The following GRM8 variants were observed in gnomAD, a reference collection of about 807,000 sequenced individuals.
The protein encoded by GRM8 is metabotropic glutamate receptor 8.
In GRM8, 47 loss-of-function variants were observed where a neutral mutation model predicts 87.2. The ratio of observed to expected loss-of-function variants is 0.54; its 90% CI spans 0.43 to 0.69. GRM8 has a LOEUF of 0.69. GRM8 is among the 30% of genes least tolerant of loss of function. The pLI is 0.00. For missense variants in GRM8, 1,019 were observed against 1,139.2 expected, an observed-to-expected ratio of 0.89 and a Z score of 1.52; for synonymous variants, 396 against 404.5, an observed-to-expected ratio of 0.98 and a Z score of 0.25.
At chr7:126,781,236 T>C (rs982612067) in intron 6 of GRM8, among the ~76,000 whole-genome samples, 1 of 152,212 alleles carries the variant, frequency 6.6e-6, no homozygotes, top group Admixed American at 6.5e-5. Flanking sequence ...GGAATCCCAC[T>C]AGCCTGCACC....
At chr7:126,708,144 A>G (rs1810735191) in intron 7 of GRM8, among the ~76,000 whole-genome samples, 2 of 152,166 alleles carry the variant, frequency 1.3e-5, no homozygotes, top group Admixed American at 1.3e-4. Flanking sequence ...GTTCAACATC[A>G]CTAATCCTCA....
chr7:126,694,838 A>G (rs1287622113), intron 7 of GRM8, among the ~76,000 whole-genome samples: 1 of 152,184 alleles, frequency 6.6e-6, no homozygotes, highest in Non-Finnish European at 1.5e-5. Context: ...ATGTCCATGC[A>G]ATTCTTGTTC....
At chr7:127,182,428 T>C (rs889046680) in intron 2 of GRM8, among the ~76,000 whole-genome samples, 1 of 151,958 alleles carries the variant, frequency 6.6e-6, no homozygotes, top group Non-Finnish European at 1.5e-5. Context: ...CCATGGAAAA[T>C]AGTGTGGAGA....
At chr7:126,480,495 C>A (rs1444441778) in intron 9 of GRM8, among the ~76,000 whole-genome samples, 1 of 152,068 alleles carries the variant, frequency 6.6e-6, no homozygotes, top group Non-Finnish European at 1.5e-5. Flanking sequence ...AAATTTGTTT[C>A]TCACAGAGCT....
intron 9 of GRM8, among the ~76,000 whole-genome samples, chr7:126,496,133 A>G (rs1263378090): frequency 6.6e-6 from 1 of 151,906 alleles, no homozygotes; most frequent in Non-Finnish European, 1.5e-5. Flanking sequence ...TTAGAGTTTC[A>G]GAGAGATTTT....
At chr7:126,539,481 G>A (rs1000323462) in intron 8 of GRM8, among the ~76,000 whole-genome samples, 1 of 151,848 alleles carries the variant, frequency 6.6e-6, no homozygotes, top group African/African-American at 2.4e-5. Context: ...ACCCAGAATA[G>A]CCAAAATTTT....
chr7:126,967,085 A>G (rs1809949399), intron 3 of GRM8, among the ~76,000 whole-genome samples: 3 of 152,202 alleles, frequency 2.0e-5, no homozygotes, highest in Admixed American at 2.0e-4. Flanking sequence ...CCTAGGCCAT[A>G]ACATAACCTA....
intron 8 of GRM8, among the ~76,000 whole-genome samples, chr7:126,586,137 A>C (rs59800028): frequency 0.025 from 3,730 of 152,140 alleles, 145 homozygotes; most frequent in African/African-American, 0.085. Context: ...ATGTGAAGGA[A>C]CTCTTCAAGG....
intron 2 of GRM8, among the ~76,000 whole-genome samples, chr7:127,207,967 G>A (rs1452285018): frequency 6.6e-6 from 1 of 152,094 alleles, no homozygotes; most frequent in Non-Finnish European, 1.5e-5. Flanking sequence ...CCGGCCTCAA[G>A]ATAAGCACTA....
At chr7:126,603,187 C>A (rs1264613812) in intron 8 of GRM8, among the ~76,000 whole-genome samples, 2 of 146,224 alleles carry the variant, frequency 1.4e-5, no homozygotes, top group Non-Finnish European at 3.0e-5. Flanking sequence ...ATTCAACAAC[C>A]CTTCATGCTA....
At chr7:126,801,426 G>A (rs1013335735) in intron 6 of GRM8, among the ~76,000 whole-genome samples, 1 of 67,988 alleles carries the variant, frequency 1.5e-5, no homozygotes, top group African/African-American at 3.3e-5. Context: ...AAAGGTTGTT[G>A]TTGATATATT....
At chr7:126,561,163 A>C (rs1320950543) in intron 8 of GRM8, among the ~76,000 whole-genome samples, 1 of 152,160 alleles carries the variant, frequency 6.6e-6, no homozygotes, top group Non-Finnish European at 1.5e-5. Context: ...ACTTCCTCAG[A>C]AAAAACAGCT....
chr7:126,655,070 A>C (rs140570123), intron 7 of GRM8, among the ~76,000 whole-genome samples: 1 of 152,364 alleles, frequency 6.6e-6, no homozygotes, highest in African/African-American at 2.4e-5. Context: ...AAGAACATAC[A>C]TAAAATGGAT....
intron 6 of GRM8, among the ~76,000 whole-genome samples, chr7:126,887,330 T>A (rs1419761185): frequency 6.6e-6 from 1 of 152,118 alleles, no homozygotes; most frequent in Non-Finnish European, 1.5e-5. Context: ...ATATTTGCCA[T>A]GTTAAAGATA....
At chr7:126,819,800 T>G (rs189010360) in intron 6 of GRM8, among the ~76,000 whole-genome samples, 2 of 152,164 alleles carry the variant, frequency 1.3e-5, no homozygotes, top group Admixed American at 1.3e-4. Context: ...TATATCATGT[T>G]GGGGAATGGA....
chr7:127,060,569 A>G (rs1475753666), intron 3 of GRM8, among the ~76,000 whole-genome samples: 2 of 152,198 alleles, frequency 1.3e-5, no homozygotes, highest in Non-Finnish European at 2.9e-5. Context: ...TACAGAAAAT[A>G]TAGGCAGAAT....
chr7:127,002,093 A>G (rs1430103059), intron 3 of GRM8, among the ~76,000 whole-genome samples: 1 of 151,608 alleles, frequency 6.6e-6, no homozygotes, highest in Non-Finnish European at 1.5e-5. Flanking sequence ...GATAATAAAA[A>G]GGGTCTATAT....
At chr7:126,571,742 A>AT (rs202148877) in intron 8 of GRM8, among the ~76,000 whole-genome samples, 51,755 of 141,082 alleles carry the variant, frequency 0.37, 9,347 homozygotes, top group South Asian at 0.44. Flanking sequence ...AATATACAGG[A>AT]TTTTTTTTTT....
Position 126,752,876 on chromosome 7 carries a change from A to G in GRM8, c.1357+16989T>C, listed in dbSNP as rs147900247. Among the ~76,000 whole-genome samples, 531 of 152,190 alleles carry G rather than the reference A, an allele frequency of 3.5e-3. 6 individuals carry two copies. The highest frequency in any genetic ancestry group is 0.027 in the Middle Eastern group (8 of 294). ...ATTAGTCCCACTCTCCTCCTCTGAC[A>G]ATATCCTGTTTCTGCATGGAAATAC... On this transcript the variant is annotated intron_variant, in intron 7 of 10. Transcript: ENST00000339582.
Sources: allele counts gnomAD v4.1 joint callset (sites outside exome capture counted in the v4.1 genomes callset), GRCh38; gene constraint gnomAD v4.1.1; transcripts MANE v1.5; gene names NCBI Gene and HGNC (gene_info 2026-07-23, HGNC 2026-07-21).